Variants in GULP1 observed in about 807,000 individuals in gnomAD.
The protein encoded by GULP1 is GULP PTB domain containing engulfment adaptor 1.
A neutral mutation model predicts 40.9 loss-of-function variants in GULP1; 19 were observed. That is an observed-to-expected ratio of 0.46 (90% CI 0.32 to 0.68). The LOEUF (loss-of-function observed/expected upper bound fraction) is 0.68. GULP1 is among the 30% of genes least tolerant of loss of function. GULP1 has a pLI of 0.03. For synonymous variants in GULP1, 119 were observed against 117.6 expected, an observed-to-expected ratio of 1.01 and a Z score of -0.08; for missense variants, 312 against 362.2, an observed-to-expected ratio of 0.86 and a Z score of 1.12.
At chr2:188,544,081 C>G (rs563025817) in intron 7 of GULP1, among the ~76,000 whole-genome samples, 1 of 152,158 alleles carries the variant, frequency 6.6e-6, no homozygotes, top group African/African-American at 2.4e-5. Flanking sequence ...ACTTACCAGG[C>G]AATAAGGGGG....
intron 4 of GULP1, among the ~76,000 whole-genome samples, chr2:188,485,464 G>T (rs2061783797): frequency 6.6e-6 from 1 of 151,988 alleles, no homozygotes; most frequent in Admixed American, 6.6e-5. Flanking sequence ...AAGAATGTTA[G>T]TTTTTTTCTG....
chr2:188,376,864 T>A (rs765161989), intron 1 of GULP1, among the ~76,000 whole-genome samples: 2 of 152,172 alleles, frequency 1.3e-5, no homozygotes, highest in East Asian at 3.8e-4. Flanking sequence ...ATTTCACTTT[T>A]ATGAAGCCAC....
chr2:188,325,197 A>C (rs1039458256), intron 1 of GULP1, among the ~76,000 whole-genome samples: 1 of 152,086 alleles, frequency 6.6e-6, no homozygotes, highest in African/African-American at 2.4e-5. Context: ...GATTATACCA[A>C]ATCATGTTGA....
At chr2:188,382,109 C>G (rs1025283296) in intron 1 of GULP1, among the ~76,000 whole-genome samples, 1 of 152,150 alleles carries the variant, frequency 6.6e-6, no homozygotes. Context: ...CCTATAACCT[C>G]TCTTTTAGTG....
intron 9 of GULP1, among the ~76,000 whole-genome samples, chr2:188,577,628 A>T (rs1215497534): frequency 6.6e-6 from 1 of 152,048 alleles, no homozygotes; most frequent in Non-Finnish European, 1.5e-5. Context: ...TCCTTCTTTC[A>T]GTTTTCCACT....
At position 188,401,438 on chromosome 2, in the gene GULP1, G is replaced by A. The variant is rs1321235212; in HGVS notation, c.-45+17549G>A. Among the ~76,000 whole-genome samples the A allele has an allele frequency of 1.3e-5, 2 of 151,996 alleles. 1 individual carries two copies. The highest frequency in any genetic ancestry group is 4.1e-4 in the South Asian group (2 of 4,826). On this transcript the variant is annotated intron_variant, in intron 2 of 11. Transcript: ENST00000409830. Reference sequence around the variant, plus strand: ...TTTACTTATTTTTAAAGTACAGTGTGTTCAATGAGCATATAGTACTTTTGT... The same window carrying A: ...TTTACTTATTTTTAAAGTACAGTGTATTCAATGAGCATATAGTACTTTTGT...
chr2:188,357,641 G>T (rs947961689), intron 1 of GULP1, among the ~76,000 whole-genome samples: 2 of 152,026 alleles, frequency 1.3e-5, no homozygotes, highest in Non-Finnish European at 2.9e-5. Context: ...CAGTATAGAG[G>T]TTCCTCAAAA....
chr2:188,429,671 G>A (rs1215276962), intron 2 of GULP1, among the ~76,000 whole-genome samples: 2 of 151,950 alleles, frequency 1.3e-5, no homozygotes, highest in Non-Finnish European at 2.9e-5. Flanking sequence ...TTAGTCTTTC[G>A]GCTAGAGCAG....
chr2:188,499,704 T>G (rs547657713), intron 4 of GULP1, among the ~76,000 whole-genome samples: 1 of 151,834 alleles, frequency 6.6e-6, no homozygotes, highest in Non-Finnish European at 1.5e-5. Context: ...TTATTTGAAA[T>G]GTAATGTTTT....
intron 6 of GULP1, among the ~76,000 whole-genome samples, chr2:188,532,586 A>C (rs1160852289): frequency 6.6e-6 from 1 of 152,044 alleles, no homozygotes; most frequent in African/African-American, 2.4e-5. Flanking sequence ...GCATGATTTC[A>C]TCTGACCTTT....
Position 188,569,327 on chromosome 2 carries a change from GA to G in GULP1, c.492del (p.Lys164AsnfsTer13). The G allele has an allele frequency of 1.9e-6, 3 of 1,580,976 alleles. No individual in the cohort carries two copies. The highest frequency in any genetic ancestry group is 1.7e-6 in the Non-Finnish European group (2 of 1,150,028). ...LESGGKDVET[R>X]KQIAGLQKRI... Reference sequence around the variant, plus strand: ...TCAGGAGGAAAAGATGTTGAAACAAGAAAACAGATCGCAGGGTTACAAAAAA... The same window carrying G: ...TCAGGAGGAAAAGATGTTGAAACAAGAAACAGATCGCAGGGTTACAAAAAA... On this transcript the variant is annotated frameshift_variant, in exon 8 of 12. Transcript: ENST00000409830. LOFTEE classifies it high-confidence loss of function.
chr2:188,591,669 A>G (rs557367168), intron 11 of GULP1: 24 of 151,868 alleles, frequency 1.6e-4, no homozygotes, highest in Admixed American at 4.6e-4. Flanking sequence ...AGAAAACTAT[A>G]TGTAATATAT....
At chr2:188,405,190 A>G (rs1043905748) in intron 2 of GULP1, among the ~76,000 whole-genome samples, 10 of 152,024 alleles carry the variant, frequency 6.6e-5, no homozygotes, top group African/African-American at 2.4e-4. Flanking sequence ...CCTCTAGGAT[A>G]GAACCCAAAC....
At chr2:188,332,278 C>G (rs2041708294) in intron 1 of GULP1, among the ~76,000 whole-genome samples, 2 of 151,658 alleles carry the variant, frequency 1.3e-5, no homozygotes, top group Admixed American at 6.6e-5. Context: ...CAACCTCCAC[C>G]TCCCAGGTGC....
intron 7 of GULP1, among the ~76,000 whole-genome samples, chr2:188,547,967 A>T (rs1692410885): frequency 1.3e-5 from 2 of 152,072 alleles, no homozygotes; most frequent in East Asian, 1.9e-4. Flanking sequence ...AAAAATAGGA[A>T]TGGAAAGAAC....
At chr2:188,299,511 T>C (rs904747829) in intron 1 of GULP1, among the ~76,000 whole-genome samples, 1 of 152,186 alleles carries the variant, frequency 6.6e-6, no homozygotes, top group Non-Finnish European at 1.5e-5. Flanking sequence ...TTGAAGTCTT[T>C]CCCCCCTTCT....
chr2:188,513,174 A>T (rs1267328924), intron 4 of GULP1, among the ~76,000 whole-genome samples: 1 of 152,136 alleles, frequency 6.6e-6, no homozygotes, highest in African/African-American at 2.4e-5. Context: ...TAGAAGATTT[A>T]AAAAAGACAT....
intron 7 of GULP1, among the ~76,000 whole-genome samples, chr2:188,543,192 T>A (rs13005523): frequency 0.97 from 147,776 of 152,148 alleles, 71,915 homozygotes; most frequent in Non-Finnish European, 1. Context: ...AAAGTATAAT[T>A]AAAAAAATAA....
intron 2 of GULP1, among the ~76,000 whole-genome samples, chr2:188,405,026 G>T (rs1199454894): frequency 2.0e-5 from 3 of 152,096 alleles, no homozygotes; most frequent in Non-Finnish European, 4.4e-5. Context: ...CCAGGGTCTG[G>T]GACTGTTCCA....
Sources: allele counts gnomAD v4.1 joint callset (sites outside exome capture counted in the v4.1 genomes callset), GRCh38; gene constraint gnomAD v4.1.1; transcripts MANE v1.5; gene names NCBI Gene and HGNC (gene_info 2026-07-23, HGNC 2026-07-21).